The following DLGAP1 variants were observed in gnomAD, a reference collection of about 807,000 sequenced individuals.
DLGAP1 encodes disks large-associated protein 1.
Under a neutral mutation model 90.8 loss-of-function variants are expected in DLGAP1, and 11 were observed. The observed-to-expected ratio is 0.12, with a 90% CI of 0.08 to 0.20. DLGAP1 has a LOEUF of 0.20. DLGAP1 is among the 10% of genes least tolerant of loss of function. DLGAP1 has a pLI of 1.00. For synonymous variants in DLGAP1, 558 were observed against 540.7 expected (o/e 1.03, Z -0.44); for missense variants, 1,050 against 1,333.8 (o/e 0.79, Z 3.31).
At chr18:3,898,672 A>G (rs1272405476) in intron 3 of DLGAP1, among the ~76,000 whole-genome samples, 10 of 152,208 alleles carry the variant, frequency 6.6e-5, no homozygotes, top group Admixed American at 5.9e-4. Flanking sequence ...TTGCTTTGCT[A>G]TCACTGATGT....
chr18:4,105,213 G>C (rs1205832346), intron 2 of DLGAP1, among the ~76,000 whole-genome samples: 1 of 152,170 alleles, frequency 6.6e-6, no homozygotes, highest in Non-Finnish European at 1.5e-5. Flanking sequence ...AGTCAGGGAT[G>C]GATGCTCAGG....
At chr18:3,732,880 T>C (rs898331738) in intron 6 of DLGAP1, among the ~76,000 whole-genome samples, 7 of 152,160 alleles carry the variant, frequency 4.6e-5, no homozygotes, top group Non-Finnish European at 8.8e-5. Context: ...TATATTGTCA[T>C]TGCTACTGGG....
intron 2 of DLGAP1, among the ~76,000 whole-genome samples, chr18:4,033,039 T>C (rs563638562): frequency 3.9e-5 from 6 of 152,314 alleles, no homozygotes; most frequent in African/African-American, 1.2e-4. Flanking sequence ...CAAGTGCAGC[T>C]CTTAAATAAA....
chr18:3,648,286 G>A (rs2059187887), intron 7 of DLGAP1, among the ~76,000 whole-genome samples: 1 of 152,180 alleles, frequency 6.6e-6, no homozygotes, highest in African/African-American at 2.4e-5. Context: ...CATAACGTAT[G>A]CTCTTTCAAC....
chr18:4,243,781 G>A (rs1255788144), intron 1 of DLGAP1, among the ~76,000 whole-genome samples: 4 of 152,156 alleles, frequency 2.6e-5, no homozygotes, highest in African/African-American at 4.8e-5. Context: ...AGTCAGGTGT[G>A]TAGTTCTGAT....
At chr18:4,311,926 G>A (rs1324253331) in intron 1 of DLGAP1, among the ~76,000 whole-genome samples, 1 of 152,166 alleles carries the variant, frequency 6.6e-6, no homozygotes, top group Non-Finnish European at 1.5e-5. Context: ...CTGTTGGCCA[G>A]GCTGGTCTCG....
intron 3 of DLGAP1, among the ~76,000 whole-genome samples, chr18:3,990,473 G>A (rs1424415585): frequency 2.1e-5 from 3 of 141,768 alleles, no homozygotes; most frequent in African/African-American, 5.2e-5. Flanking sequence ...ATCACACTCT[G>A]GGGACTGTTG....
At chr18:3,655,239 G>A (rs767476198) in intron 7 of DLGAP1, among the ~76,000 whole-genome samples, 3 of 152,018 alleles carry the variant, frequency 2.0e-5, no homozygotes, top group African/African-American at 7.3e-5. Context: ...AAGCATGGCC[G>A]ACAAACTCCC....
chr18:4,360,503 G>A (rs2081608441), intron 1 of DLGAP1, among the ~76,000 whole-genome samples: 1 of 152,100 alleles, frequency 6.6e-6, no homozygotes, highest in African/African-American at 2.4e-5. Flanking sequence ...TTATGCAAAT[G>A]AAATATTTTC....
intron 5 of DLGAP1, among the ~76,000 whole-genome samples, chr18:3,746,773 A>C (rs909780603): frequency 6.6e-6 from 1 of 152,226 alleles, no homozygotes; most frequent in Non-Finnish European, 1.5e-5. Context: ...TAAAAAACAT[A>C]CATTTACACA....
Position 4,199,296 on chromosome 18 carries a change from G to A in DLGAP1, c.-266-48009C>T, listed in dbSNP as rs16946232. 3.4e-3 allele frequency among the ~76,000 whole-genome samples: 513 copies of A among 152,288 alleles called. 4 individuals are homozygous for A. The highest frequency in any genetic ancestry group is 0.012 in the African/African-American group (480 of 41,548). On this transcript the variant is annotated intron_variant, in intron 1 of 12. Coordinates refer to ENST00000315677, the MANE Select transcript of DLGAP1 (RefSeq NM_004746.4). ...CTTCAGACATCTTCTCCAGCGTGGC[G>A]TAAAGAAAGAGTGATTGCAAGCATA...
At chr18:3,890,294 T>A (rs1046802923) in intron 3 of DLGAP1, among the ~76,000 whole-genome samples, 3 of 152,206 alleles carry the variant, frequency 2.0e-5, no homozygotes, top group African/African-American at 7.2e-5. Context: ...AAAACTATCA[T>A]CAGTGCCTGC....
intron 1 of DLGAP1, among the ~76,000 whole-genome samples, chr18:4,321,008 ATATT>A (rs1296402398): frequency 6.6e-6 from 1 of 152,234 alleles, no homozygotes; most frequent in Non-Finnish European, 1.5e-5. Context: ...CAAATGAAAA[ATATT>A]TATTAACTTC....
At chr18:4,329,064 C>G (rs1047056632) in intron 1 of DLGAP1, among the ~76,000 whole-genome samples, 1 of 149,636 alleles carries the variant, frequency 6.7e-6, no homozygotes, top group African/African-American at 2.4e-5. Flanking sequence ...CCAACATTTT[C>G]TTTTATGACT....
chr18:4,190,931 T>C (rs2077387090), intron 1 of DLGAP1, among the ~76,000 whole-genome samples: 2 of 152,252 alleles, frequency 1.3e-5, no homozygotes, highest in Admixed American at 6.5e-5. Context: ...TTTTGAAATA[T>C]TTCCAAGTAT....
intron 9 of DLGAP1, among the ~76,000 whole-genome samples, chr18:3,552,566 C>A (rs569617751): frequency 6.6e-6 from 1 of 152,226 alleles, no homozygotes; most frequent in East Asian, 1.9e-4. Flanking sequence ...GGGGGCTGAG[C>A]GAGCCTAAGA....
intron 2 of DLGAP1, among the ~76,000 whole-genome samples, chr18:4,040,219 T>TC (rs1483331069): frequency 6.6e-6 from 1 of 152,238 alleles, no homozygotes; most frequent in Non-Finnish European, 1.5e-5. Context: ...TTTAAGCTCC[T>TC]CATCTATCAA....
At chr18:4,151,620 T>C (rs1379247083) in intron 1 of DLGAP1, among the ~76,000 whole-genome samples, 2 of 152,256 alleles carry the variant, frequency 1.3e-5, no homozygotes, top group Non-Finnish European at 1.5e-5. Context: ...AGACATAATA[T>C]ACATATGCGA....
chr18:3,604,541 TC>T (rs2057235065), intron 7 of DLGAP1, among the ~76,000 whole-genome samples: 1 of 152,108 alleles, frequency 6.6e-6, no homozygotes, highest in Non-Finnish European at 1.5e-5. Flanking sequence ...CACTTAAGGT[TC>T]CCCATCTCAG....
Sources: gnomAD v4.1 joint callset for allele counts (sites outside exome capture counted in the v4.1 genomes callset) on GRCh38, gnomAD v4.1.1 for gene constraint, MANE v1.5 for transcripts, NCBI Gene and HGNC (gene_info 2026-07-23, HGNC 2026-07-21) for gene names.